The following UNC13A variants were observed in gnomAD, a reference collection of about 807,000 sequenced individuals.
UNC13A encodes protein unc-13 homolog A.
UNC13A carries 61 observed loss-of-function variants against 219.7 expected under a neutral mutation model. That is an observed-to-expected ratio of 0.28 (90% confidence interval 0.23 to 0.34). The LOEUF (loss-of-function observed/expected upper bound fraction) is 0.34, where lower values mean the gene tolerates loss of function less well. Ranked by LOEUF, UNC13A falls within the 10% of genes least tolerant of loss-of-function variation. The pLI, the probability that UNC13A is intolerant of heterozygous loss-of-function variation, is 1.00. For missense variants in UNC13A, 1,476 were observed against 2,270.3 expected (o/e 0.65, Z 7.11); for synonymous variants, 920 against 884.6 (o/e 1.04, Z -0.71).
At chr19:17,655,655 G>A (rs559086943) in intron 10 of UNC13A, among the ~76,000 whole-genome samples, 6 of 149,636 alleles carry the variant, frequency 4.0e-5, no homozygotes, top group Non-Finnish European at 7.4e-5. Flanking sequence ...TGACCTCTCC[G>A]ACCCCAGCAA....
chr19:17,639,041 A>G (rs1466578847), intron 25 of UNC13A, 42 bp downstream of exon 25: 2 of 1,538,744 alleles, frequency 1.3e-6, no homozygotes, highest in Non-Finnish European at 1.8e-6. Context: ...GCCTGTGTCT[A>G]GTTGGCATCA....
intron 7 of UNC13A, among the ~76,000 whole-genome samples, chr19:17,666,095 C>G (rs1427923528): frequency 8.1e-6 from 1 of 123,004 alleles, no homozygotes; most frequent in Non-Finnish European, 1.8e-5. Flanking sequence ...TCTTTCCTTC[C>G]CTTCCTTTCT....
At chr19:17,678,957 A>G (rs2079954018) in intron 1 of UNC13A, among the ~76,000 whole-genome samples, 1 of 151,904 alleles carries the variant, frequency 6.6e-6, no homozygotes, top group Non-Finnish European at 1.5e-5. Flanking sequence ...AAATAGAGAG[A>G]CACAAGGAGA....
intron 1 of UNC13A, among the ~76,000 whole-genome samples, chr19:17,680,884 C>CTTTT (rs2079997096): frequency 4.3e-5 from 3 of 69,538 alleles, no homozygotes; most frequent in African/African-American, 5.9e-5. Flanking sequence ...TTTTTCTTTT[C>CTTTT]TTTTCTTTTT....
chr19:17,682,675 G>C (rs1241788401), intron 1 of UNC13A, among the ~76,000 whole-genome samples: 1 of 152,192 alleles, frequency 6.6e-6, no homozygotes, highest in Non-Finnish European at 1.5e-5. Flanking sequence ...CAGGAACGGA[G>C]GGATGTGTGA....
intron 17 of UNC13A, among the ~76,000 whole-genome samples, chr19:17,646,433 T>C (rs967068028): frequency 3.9e-5 from 6 of 151,958 alleles, no homozygotes; most frequent in Admixed American, 6.6e-5. Context: ...GTTTTGCATT[T>C]TTAGTAGAGA....
Position 17,656,296 on chromosome 19 carries a change from G to A in UNC13A, c.870C>T (p.Ser290=), listed in dbSNP as rs368532464. ...CCCGGTCCCGCTCATCCTCCATGTC[G>A]GAGCCCTGCAGGCTGTGCTCGTCAG... is the stretch of plus-strand genomic sequence containing the variant. ...FDPDEHSLQG[S]DMEDERDRDS... The change falls in exon 10 of 44, where the codon TCC becomes TCT. Residue 290 remains serine, a synonymous_variant. Transcript: ENST00000519716. The A allele has an allele frequency of 9.0e-6, 14 of 1,553,162 alleles. No individual in the cohort carries two copies. Among genetic ancestry groups the A allele is most frequent in the South Asian group, 2.4e-5 (2 of 84,206 alleles).
chr19:17,686,237 C>CG (rs1156557327), intron 1 of UNC13A, among the ~76,000 whole-genome samples: 2 of 150,404 alleles, frequency 1.3e-5, no homozygotes, highest in South Asian at 2.1e-4. Context: ...TGCTGCCCCC[C>CG]CTTAATGCCA....
chr19:17,617,374 G>A (rs2076677279), intron 41 of UNC13A, among the ~76,000 whole-genome samples: 1 of 152,086 alleles, frequency 6.6e-6, no homozygotes, highest in African/African-American at 2.4e-5. Flanking sequence ...GTGGCCCTAC[G>A]ACGTCACAGG....
intron 38 of UNC13A, 99 bp downstream of exon 38, chr19:17,620,594 C>A: frequency 5.6e-6 from 7 of 1,251,232 alleles, no homozygotes; most frequent in Non-Finnish European, 8.0e-6. Context: ...TCACAGTACG[C>A]CCTCGGACGG....
At chr19:17,654,486 T>C (rs975070181) in intron 11 of UNC13A, among the ~76,000 whole-genome samples, 2 of 152,216 alleles carry the variant, frequency 1.3e-5, no homozygotes, top group Non-Finnish European at 2.9e-5. Flanking sequence ...GGTCTAAACC[T>C]TTGGGAGTCT....
At chr19:17,654,679 A>G (rs945149941) in intron 11 of UNC13A, among the ~76,000 whole-genome samples, 1 of 152,010 alleles carries the variant, frequency 6.6e-6, no homozygotes, top group African/African-American at 2.4e-5. Context: ...CTACTCCCCT[A>G]CTGAGCCGGC....
chr19:17,645,735 C>T lies in UNC13A; in HGVS notation c.2295G>A (p.Leu765=), dbSNP rs2145058930. The T allele has an allele frequency of 6.2e-7, 1 of 1,614,228 alleles. No homozygotes were observed. Among genetic ancestry groups the T allele is most frequent in the Admixed American group, 1.7e-5 (1 of 60,022 alleles). Residue 765 remains leucine (L), a synonymous_variant, in exon 19 of 44, where the codon CTG becomes CTA. Coordinates refer to ENST00000519716, the MANE Select transcript of UNC13A (RefSeq NM_001080421.3). ...QRFKRESDDF[L]GQTIIEVRTL... ...TCCGCACCTCAATGATCGTCTGCCC[C>T]AGGAAATCGTCAGATTCCCTCTTGA...
chr19:17,613,670 CT>C (rs1481739169), intron 41 of UNC13A: 1 of 150,224 alleles, frequency 6.7e-6, no homozygotes, highest in African/African-American at 2.4e-5. Flanking sequence ...TTCCTTACCC[CT>C]ATTTCCCTTC....
chr19:17,609,985 G>C lies in UNC13A; in HGVS notation c.4766C>G (p.Ser1589Cys). The C allele has an allele frequency of 2.5e-6, 4 of 1,614,018 alleles. No homozygotes were observed. The highest frequency in any genetic ancestry group is 3.4e-6 in the Non-Finnish European group (4 of 1,179,912). The change falls in exon 43 of 44, where the codon TCC (serine) becomes TGC (cysteine). Residue 1589 changes from serine to cysteine, a missense_variant. Transcript: ENST00000519716. ...SDKKRKFATK[S>C]KNNSWAPKYN... ...CTTGGGAGCCCAGCTATTGTTCTTG[G>C]ATTTGGTCGCAAACTTGCGTTTCTT...
At chr19:17,669,775 C>T in intron 4 of UNC13A, 99 bp from the exon 5 acceptor site, 1 of 1,388,700 alleles carries the variant, frequency 7.2e-7, no homozygotes, top group Non-Finnish European at 9.6e-7. Flanking sequence ...ACCCCTACCC[C>T]AAAACCAAAG....
At chr19:17,682,208 C>T (rs2080032595) in intron 1 of UNC13A, among the ~76,000 whole-genome samples, 1 of 152,176 alleles carries the variant, frequency 6.6e-6, no homozygotes, top group Admixed American at 6.5e-5. Context: ...CCCGCCTAGG[C>T]CTCCCAAAGT....
chr19:17,623,420 G>T, intron 36 of UNC13A, 122 bp downstream of exon 36: 1 of 742,710 alleles, frequency 1.3e-6, no homozygotes, highest in Non-Finnish European at 2.2e-6. Flanking sequence ...CTAGGCGGGA[G>T]GGAGGATGGT....
intron 6 of UNC13A, among the ~76,000 whole-genome samples, chr19:17,667,111 T>A (rs2079668781): frequency 6.6e-6 from 1 of 151,934 alleles, no homozygotes; most frequent in Admixed American, 6.6e-5. Context: ...ATTAGCCAGG[T>A]ATGGTGGCGC....
Sources: allele counts gnomAD v4.1 joint callset (sites outside exome capture counted in the v4.1 genomes callset), GRCh38; gene constraint gnomAD v4.1.1; transcripts MANE v1.5; gene names NCBI Gene and HGNC (gene_info 2026-07-23, HGNC 2026-07-21).